RASA3: variants seen among roughly 807,000 people sequenced by gnomAD.
RASA3 encodes ras GTPase-activating protein 3.
In RASA3, 73 loss-of-function variants were observed where a neutral mutation model predicts 110.0. The observed-to-expected ratio is 0.66, with a 90% CI of 0.55 to 0.81. The LOEUF (loss-of-function observed/expected upper bound fraction) is 0.81. Among genes scored for constraint, RASA3 ranks in the 30% least tolerant of loss-of-function variants. RASA3 has a pLI of 0.00. For missense variants in RASA3, 976 were observed against 1,113.2 expected, an observed-to-expected ratio of 0.88 and a Z score of 1.75; for synonymous variants, 500 against 451.4, an observed-to-expected ratio of 1.11 and a Z score of -1.37.
At chr13:114,003,104 C>T (rs2053440668) in intron 18 of RASA3, among the ~76,000 whole-genome samples, 1 of 152,204 alleles carries the variant, frequency 6.6e-6, no homozygotes, top group South Asian at 2.1e-4. Flanking sequence ...AGAACCGAGG[C>T]CCTAGGACGG....
Position 113,996,956 on chromosome 13 carries a change from G to A in RASA3, c.1933-217C>T, listed in dbSNP as rs529277695. Among the ~76,000 whole-genome samples, 6 of 152,364 alleles carry A rather than the reference G, an allele frequency of 3.9e-5. No individual in the cohort carries two copies. In the East Asian group the frequency reaches 5.8e-4, roughly 15 times the overall value. The stretch of plus-strand genomic sequence containing the variant: ...ACCCTAAAACCTGACAGCTGGGGCC[G>A]TGGGGAATGGAGGTGAGAACTGGTG... On this transcript the variant is annotated intron_variant, in intron 20 of 23. Transcript: ENST00000334062.
chr13:114,051,455 A>G (rs1160596309), intron 3 of RASA3, among the ~76,000 whole-genome samples: 1 of 152,214 alleles, frequency 6.6e-6, no homozygotes, highest in African/African-American at 2.4e-5. Context: ...AGTAACCTGA[A>G]GTCCACTCTG....
chr13:113,990,524 G>A (rs1252294529), intron 22 of RASA3, among the ~76,000 whole-genome samples: 7 of 152,310 alleles, frequency 4.6e-5, no homozygotes, highest in Admixed American at 2.0e-4. Flanking sequence ...CTGCTGTGTC[G>A]GTTCCTGCTA....
intron 8 of RASA3, among the ~76,000 whole-genome samples, chr13:114,023,605 T>C (rs2053972112): frequency 6.6e-6 from 1 of 152,178 alleles, no homozygotes; most frequent in African/African-American, 2.4e-5. Flanking sequence ...ACGCCTGCCC[T>C]CCCCAGAACT....
chr13:114,024,940 G>C (rs1247645011), intron 7 of RASA3, among the ~76,000 whole-genome samples: 1 of 152,236 alleles, frequency 6.6e-6, no homozygotes, highest in Non-Finnish European at 1.5e-5. Flanking sequence ...GTGAAGGCGT[G>C]AAGGGTCGAG....
chr13:114,075,180 T>C (rs1275347743), intron 1 of RASA3, among the ~76,000 whole-genome samples: 1 of 152,050 alleles, frequency 6.6e-6, no homozygotes, highest in Non-Finnish European at 1.5e-5. Flanking sequence ...ACAAACAAAA[T>C]CAAAAACGGG....
chr13:114,017,842 C>T (rs2053827178), intron 11 of RASA3, among the ~76,000 whole-genome samples: 1 of 152,006 alleles, frequency 6.6e-6, no homozygotes. Flanking sequence ...GGGAGGGGAC[C>T]TGAGCTGTCC....
Position 114,048,588 on chromosome 13 carries a change from G to A in RASA3, c.277+3464C>T, listed in dbSNP as rs1433003746. On this transcript the variant is annotated intron_variant, in intron 3 of 23. Coordinates refer to ENST00000334062, the MANE Select transcript of RASA3 (RefSeq NM_007368.4). The surrounding 1 kb of genome is among the most constrained non-coding windows in gnomAD (Gnocchi z 4.3). ...CCAGCTGCGGGGAGCCATAGTTTCC[G>A]GTCTGTGCTCTGTGAGGGCAGCGCC... Among the ~76,000 whole-genome samples the A allele has an allele frequency of 1.3e-5, 2 of 152,208 alleles. No homozygotes were observed. Among genetic ancestry groups the A allele is most frequent in the Non-Finnish European group, 2.9e-5 (2 of 68,040 alleles).
At chr13:114,028,026 T>A in intron 5 of RASA3, 99 bp from the exon 6 acceptor site, 1 of 982,692 alleles carries the variant, frequency 1.0e-6, no homozygotes, top group Non-Finnish European at 1.5e-6. Context: ...GTTCAAGCTG[T>A]GAGATGAGGT....
chr13:114,102,487 G>A (rs184968165), intron 1 of RASA3, among the ~76,000 whole-genome samples: 14 of 152,268 alleles, frequency 9.2e-5, no homozygotes, highest in Admixed American at 9.1e-4. Context: ...AGAGCCTGGT[G>A]CAGCTGCGTG....
chr13:114,105,075 C>T (rs953528429), intron 1 of RASA3, among the ~76,000 whole-genome samples: 6 of 152,064 alleles, frequency 3.9e-5, no homozygotes, highest in Admixed American at 3.9e-4. Context: ...AGACTATGAC[C>T]TCCCCAAGCC....
chr13:114,080,118 G>A (rs1347755739), intron 1 of RASA3, among the ~76,000 whole-genome samples: 7 of 152,222 alleles, frequency 4.6e-5, no homozygotes, highest in African/African-American at 1.7e-4. Flanking sequence ...TCACGCTCAG[G>A]AGGGGCAGAG....
At chr13:114,068,176 T>C (rs957030098) in intron 2 of RASA3, among the ~76,000 whole-genome samples, 2 of 152,040 alleles carry the variant, frequency 1.3e-5, no homozygotes, top group Non-Finnish European at 2.9e-5. Context: ...GAGATGGGCA[T>C]GCAAATGAAC....
At chr13:114,072,061 A>G (rs1466454621) in intron 2 of RASA3, among the ~76,000 whole-genome samples, 3 of 152,102 alleles carry the variant, frequency 2.0e-5, no homozygotes, top group Non-Finnish European at 4.4e-5. Flanking sequence ...AGCTACACGG[A>G]CATCTTCTCT....
chr13:114,043,890 GCCCCCCCGCCCCGC>G (rs2078992335), intron 3 of RASA3, among the ~76,000 whole-genome samples: 1 of 5,780 alleles, frequency 1.7e-4, no homozygotes, highest in Non-Finnish European at 2.6e-4. Context: ...CACTCGCTGA[GCCCCCCCGCCCCGC>G]CTCACTCTCT....
intron 10 of RASA3, among the ~76,000 whole-genome samples, 169 bp from the exon 11 acceptor site, chr13:114,018,421 G>A (rs1427115146): frequency 6.6e-6 from 1 of 152,194 alleles, no homozygotes; most frequent in Non-Finnish European, 1.5e-5. Flanking sequence ...CTGCTGCTTG[G>A]CTGGACCCTT....
In RASA3 at chr13:114,110,658, C is replaced by T. The variant is rs932643294; in HGVS notation, c.55+21777G>A. Among the ~76,000 whole-genome samples, 4 of 152,230 alleles carry T rather than the reference C, an allele frequency of 2.6e-5. No homozygotes were observed. The South Asian group carries it at 6.2e-4, about 24-fold the overall frequency. On this transcript the variant is annotated intron_variant, in intron 1 of 23. Coordinates refer to ENST00000334062, the MANE Select transcript of RASA3 (RefSeq NM_007368.4). ...GCAACAAACACAACAAGCTTCCTCC[C>T]CTGGCTGCTGTGAGGACCGACAGCC...
chr13:114,013,684 C>T (rs2053703223), intron 14 of RASA3, among the ~76,000 whole-genome samples: 1 of 115,222 alleles, frequency 8.7e-6, no homozygotes, highest in East Asian at 2.8e-4. Flanking sequence ...CTGTCTCTCT[C>T]CCTATCTCTG....
Position 114,021,422 on chromosome 13 carries a change from G to C in RASA3, c.767C>G (p.Ser256Cys), listed in dbSNP as rs550810270. ...LRIPLKVLRQ[S>C]SSYEAWYFLQ... ...ATCTTACCACGCCTCGTAGGAGCTG[G>C]ACTGCCGCAGGACTTTCAACGGGAT... The change falls in exon 9 of 24, where the codon TCC becomes TGC. Residue 256 changes from serine (S) to cysteine (C), a missense_variant. By Grantham distance (112) the Ser-to-Cys change is moderately radical. This residue lies in a region of RASA3 where 732 missense variants were observed against 779.7 expected (regional missense o/e 0.94). Coordinates refer to ENST00000334062, the MANE Select transcript of RASA3 (RefSeq NM_007368.4). The C allele has an allele frequency of 6.8e-6, 11 of 1,614,022 alleles. No homozygotes were observed. In the African/African-American group the frequency reaches 8.0e-5, roughly 12 times the overall value.
Sources: allele counts gnomAD v4.1 joint callset (sites outside exome capture counted in the v4.1 genomes callset), GRCh38; gene constraint gnomAD v4.1.1; regional missense constraint gnomAD v4.1.1; non-coding constraint Gnocchi (gnomAD v3.1); transcripts MANE v1.5; gene names NCBI Gene and HGNC (gene_info 2026-07-23, HGNC 2026-07-21).